STXBP6: variants seen among roughly 807,000 people sequenced by gnomAD.
STXBP6 encodes the protein syntaxin binding protein 6.
In STXBP6, 21 loss-of-function variants were observed where a neutral mutation model predicts 26.9. That is an observed-to-expected ratio of 0.78 (90% CI 0.55 to 1.12). The LOEUF (loss-of-function observed/expected upper bound fraction) is 1.12. Ranked by LOEUF, STXBP6 falls within the 50% of genes most tolerant of loss-of-function variation. STXBP6 has a pLI of 0.00. For missense variants in STXBP6, 232 were observed against 257.9 expected (o/e 0.90, Z 0.69); for synonymous variants, 97 against 92.6 (o/e 1.05, Z -0.27).
chr14:24,977,874 C>T (rs75772222), intron 1 of STXBP6, among the ~76,000 whole-genome samples: 17,343 of 152,186 alleles, frequency 0.11, 1,073 homozygotes, highest in African/African-American at 0.14. Context: ...TAAACAGTCT[C>T]TTATAGGGAT....
intron 1 of STXBP6, among the ~76,000 whole-genome samples, chr14:25,009,892 T>A (rs948115781): frequency 2.0e-5 from 3 of 152,192 alleles, no homozygotes; most frequent in Non-Finnish European, 4.4e-5. Flanking sequence ...CAGGGAGAAA[T>A]GCTAACAGGC....
In STXBP6 at chr14:24,885,139, T is replaced by C. The variant is rs1395826449; in HGVS notation, c.155-27982A>G. Among the ~76,000 whole-genome samples, 3 of 152,160 alleles carry C rather than the reference T, an allele frequency of 2.0e-5. No homozygotes were observed. In the East Asian group the frequency reaches 5.8e-4, roughly 29 times the overall value. ...CTGGGTAAGATAAAACTTAGTGGGG[T>C]ATATCTGAAAATCTAAGAGGACCAT... On this transcript the variant is annotated intron_variant, in intron 2 of 5. Coordinates refer to ENST00000323944, the MANE Select transcript of STXBP6 (RefSeq NM_001394410.1).
chr14:24,996,824 C>A (rs1210494205), intron 1 of STXBP6, among the ~76,000 whole-genome samples: 1 of 132,312 alleles, frequency 7.6e-6, no homozygotes, highest in African/African-American at 2.9e-5. Flanking sequence ...CATTGTACTT[C>A]AGCCTGGGCA....
intron 2 of STXBP6, among the ~76,000 whole-genome samples, chr14:24,953,252 C>T (rs928030180): frequency 1.3e-5 from 2 of 152,150 alleles, no homozygotes; most frequent in South Asian, 2.1e-4. Context: ...GGCATGTAGG[C>T]GCAGCAGGAT....
At chr14:24,922,922 T>C (rs562611828) in intron 2 of STXBP6, among the ~76,000 whole-genome samples, 92 of 152,284 alleles carry the variant, frequency 6.0e-4, no homozygotes, top group African/African-American at 2.1e-3. Context: ...ATCTTTAATA[T>C]AATTTTTCTC....
At chr14:24,947,791 CCAAA>C (rs2073040212) in intron 2 of STXBP6, among the ~76,000 whole-genome samples, 1 of 152,188 alleles carries the variant, frequency 6.6e-6, no homozygotes, top group African/African-American at 2.4e-5. Flanking sequence ...ATTATCACAT[CCAAA>C]CAGTCTTCTT....
intron 2 of STXBP6, among the ~76,000 whole-genome samples, chr14:24,944,255 A>T (rs74040740): frequency 0.12 from 18,374 of 152,150 alleles, 1,411 homozygotes; most frequent in East Asian, 0.37. Context: ...TCCCATCCTC[A>T]AGCTTGGGCA....
intron 2 of STXBP6, among the ~76,000 whole-genome samples, chr14:24,925,130 C>T (rs2072115599): frequency 6.6e-6 from 1 of 152,180 alleles, no homozygotes; most frequent in African/African-American, 2.4e-5. Context: ...GAGACTTCAC[C>T]TTACAGGTGT....
At chr14:25,033,799 A>G (rs1422342517) in intron 1 of STXBP6, among the ~76,000 whole-genome samples, 1 of 152,274 alleles carries the variant, frequency 6.6e-6, no homozygotes, top group Non-Finnish European at 1.5e-5. Context: ...AACATTCTAT[A>G]AAAGCAGAAA....
intron 1 of STXBP6, among the ~76,000 whole-genome samples, chr14:25,037,319 G>A (rs1452908217): frequency 1.3e-5 from 2 of 152,202 alleles, no homozygotes; most frequent in East Asian, 1.9e-4. Flanking sequence ...CTGCAACAGA[G>A]TTTTGTTAAT....
chr14:24,985,539 C>A (rs1363481206), intron 1 of STXBP6, among the ~76,000 whole-genome samples: 1 of 152,214 alleles, frequency 6.6e-6, no homozygotes, highest in Non-Finnish European at 1.5e-5. Context: ...CTTGGACCCT[C>A]CCTGTTACCT....
At chr14:24,824,420 C>A (rs1461644) in intron 4 of STXBP6, among the ~76,000 whole-genome samples, 68,118 of 152,070 alleles carry the variant, frequency 0.45, 16,932 homozygotes, top group African/African-American at 0.69. Flanking sequence ...TTTAAGTAAT[C>A]ATGACGATAT....
intron 1 of STXBP6, among the ~76,000 whole-genome samples, chr14:24,995,967 A>G (rs376922702): frequency 6.6e-6 from 1 of 152,216 alleles, no homozygotes; most frequent in South Asian, 2.1e-4. Context: ...AAATGGAAAG[A>G]AAAGTGCATC....
intron 4 of STXBP6, 171 bp from the exon 5 acceptor site, chr14:24,819,365 C>A: frequency 1.4e-6 from 1 of 732,570 alleles, no homozygotes. Context: ...TTGACTGACG[C>A]ACTTGCAGCA....
chr14:24,883,215 A>G (rs1189841907), intron 2 of STXBP6, among the ~76,000 whole-genome samples: 1 of 152,232 alleles, frequency 6.6e-6, no homozygotes, highest in Non-Finnish European at 1.5e-5. Flanking sequence ...CTCTGTAAAC[A>G]GAGTACTTCT....
At chr14:24,941,806 C>T (rs537922821) in intron 2 of STXBP6, among the ~76,000 whole-genome samples, 1 of 152,316 alleles carries the variant, frequency 6.6e-6, no homozygotes, top group South Asian at 2.1e-4. Context: ...ATTGCATGTT[C>T]TTAACTCAGG....
chr14:24,924,323 TTC>T (rs1422206194), intron 2 of STXBP6, among the ~76,000 whole-genome samples: 1 of 152,176 alleles, frequency 6.6e-6, no homozygotes, highest in African/African-American at 2.4e-5. Context: ...CCCAAAAAAG[TTC>T]TTATTCTAGG....
chr14:24,849,345 C>T (rs2297061), intron 4 of STXBP6, among the ~76,000 whole-genome samples: 26,658 of 151,972 alleles, frequency 0.18, 3,044 homozygotes, highest in Non-Finnish European at 0.26. Flanking sequence ...ACATAATTTA[C>T]GGAGAACTTT....
intron 1 of STXBP6, among the ~76,000 whole-genome samples, chr14:25,031,357 G>A (rs2075450840): frequency 6.6e-6 from 1 of 152,156 alleles, no homozygotes; most frequent in Non-Finnish European, 1.5e-5. Flanking sequence ...ACTCATTTAT[G>A]GTAGAATTGT....
Sources: allele counts gnomAD v4.1 joint callset (sites outside exome capture counted in the v4.1 genomes callset), GRCh38; gene constraint gnomAD v4.1.1; transcripts MANE v1.5; gene names NCBI Gene and HGNC (gene_info 2026-07-23, HGNC 2026-07-21).